Variants in FRMD4B observed in about 807,000 individuals in gnomAD.
FRMD4B encodes the protein FERM domain-containing protein 4B.
In FRMD4B, 74 loss-of-function variants were observed where a neutral mutation model predicts 141.5. The ratio of observed to expected loss-of-function variants is 0.52; its 90% confidence interval spans 0.43 to 0.63. The LOEUF is 0.63. FRMD4B is among the 30% of genes least tolerant of loss of function. The pLI is 0.00. For missense variants in FRMD4B, 1,366 were observed against 1,253.4 expected, an observed-to-expected ratio of 1.09 and a Z score of -1.36; for synonymous variants, 506 against 467.9, an observed-to-expected ratio of 1.08 and a Z score of -1.05.
rs528159287 is a variant in FRMD4B at position 69,421,844 on chromosome 3, A to G, written c.-1+10790T>C. ...ATGTCTAAGATAACTTTCAGCTAGT[A>G]AAACAAAAAATAAAGACAAAATGAA... On this transcript the variant is annotated intron_variant, in intron 2 of 5. Coordinates refer to the FRMD4B transcript ENST00000459638. 5.9e-5 allele frequency among the ~76,000 whole-genome samples: 9 copies of G among 152,340 alleles called. No homozygotes were observed. In the East Asian group the frequency reaches 1.7e-3, roughly 29 times the overall value.
At chr3:69,301,509 T>C (rs1701217900) in intron 4 of FRMD4B, among the ~76,000 whole-genome samples, 1 of 152,006 alleles carries the variant, frequency 6.6e-6, no homozygotes, top group African/African-American at 2.4e-5. Context: ...TGTGTATTTT[T>C]AGTAGAGATG....
intron 2 of FRMD4B, among the ~76,000 whole-genome samples, chr3:69,406,482 C>G (rs1039831000): frequency 1.3e-5 from 2 of 152,192 alleles, no homozygotes; most frequent in African/African-American, 4.8e-5. Context: ...CTTTAAATAG[C>G]CTTGCCACAT....
chr3:69,206,744 A>T (rs76987984), intron 11 of FRMD4B, among the ~76,000 whole-genome samples: 1 of 152,120 alleles, frequency 6.6e-6, no homozygotes, highest in African/African-American at 2.4e-5. Flanking sequence ...CTTTCTTTCC[A>T]GATATATTGG....
chr3:69,372,598 G>A (rs1277520669), intron 1 of FRMD4B, among the ~76,000 whole-genome samples: 1 of 152,210 alleles, frequency 6.6e-6, no homozygotes, highest in Non-Finnish European at 1.5e-5. Context: ...CTGGGAGGTG[G>A]AGGTTGCAGT....
At chr3:69,430,561 G>A (rs1705162709) in intron 2 of FRMD4B, among the ~76,000 whole-genome samples, 1 of 152,126 alleles carries the variant, frequency 6.6e-6, no homozygotes, top group Non-Finnish European at 1.5e-5. Flanking sequence ...CCTCGTATAT[G>A]GCAATTGCTG....
At chr3:69,452,614 A>C (rs976471638) in intron 1 of FRMD4B, among the ~76,000 whole-genome samples, 30 of 152,360 alleles carry the variant, frequency 2.0e-4, no homozygotes, top group African/African-American at 7.0e-4. Context: ...TTGGATCTCT[A>C]ATAGAAAAAG....
intron 4 of FRMD4B, among the ~76,000 whole-genome samples, chr3:69,299,071 T>C (rs1174502742): frequency 3.9e-5 from 6 of 152,148 alleles, no homozygotes; most frequent in African/African-American, 1.2e-4. Context: ...ATGCTGACTA[T>C]GATGGTAGAG....
At chr3:69,365,537 C>A (rs112072260) in intron 1 of FRMD4B, among the ~76,000 whole-genome samples, 32,438 of 150,504 alleles carry the variant, frequency 0.22, 4,429 homozygotes, top group African/African-American at 0.39. Context: ...TGGAGTCTTG[C>A]TCTGTTGCCC....
At chr3:69,477,986 T>A (rs1219618503) in intron 1 of FRMD4B, among the ~76,000 whole-genome samples, 7 of 152,142 alleles carry the variant, frequency 4.6e-5, no homozygotes, top group Non-Finnish European at 1.0e-4. Context: ...TCTAGTTTAT[T>A]TGCGTAGAGG....
chr3:69,439,037 T>G (rs560921691), intron 1 of FRMD4B, among the ~76,000 whole-genome samples: 1 of 139,932 alleles, frequency 7.1e-6, no homozygotes, highest in East Asian at 2.1e-4. Flanking sequence ...TTGGTAGATA[T>G]TTAGTTCGTG....
chr3:69,332,992 A>G (rs373670291), intron 1 of FRMD4B, among the ~76,000 whole-genome samples: 40 of 152,258 alleles, frequency 2.6e-4, no homozygotes, highest in African/African-American at 8.9e-4. Flanking sequence ...TCCTGTATGC[A>G]ATGCTTCATC....
intron 1 of FRMD4B, among the ~76,000 whole-genome samples, chr3:69,440,475 C>T (rs1427962141): frequency 6.6e-6 from 1 of 152,166 alleles, no homozygotes; most frequent in African/African-American, 2.4e-5. Flanking sequence ...AGAGGAACTC[C>T]TAATCTTTTA....
chr3:69,487,803 G>A (rs1706241704), intron 1 of FRMD4B, among the ~76,000 whole-genome samples: 1 of 152,192 alleles, frequency 6.6e-6, no homozygotes, highest in African/African-American at 2.4e-5. Context: ...GATTCACGGA[G>A]AGAGGAAGCA....
intron 2 of FRMD4B, among the ~76,000 whole-genome samples, chr3:69,395,775 T>G (rs1346887829): frequency 6.6e-6 from 1 of 152,188 alleles, no homozygotes; most frequent in Non-Finnish European, 1.5e-5. Flanking sequence ...CCTTGAAACC[T>G]ATGGCTATGT....
chr3:69,243,333 T>C (rs1160788476), intron 7 of FRMD4B, among the ~76,000 whole-genome samples: 8 of 152,136 alleles, frequency 5.3e-5, no homozygotes, highest in Admixed American at 3.3e-4. Context: ...AAAGGTATTC[T>C]AGGAAGAAGA....
chr3:69,471,597 G>T (rs12633677), intron 1 of FRMD4B: 17,042 of 204,558 alleles, frequency 0.083, 984 homozygotes, highest in Admixed American at 0.18. Context: ...CCCATTTAAT[G>T]ATTTTCTCTC....
At chr3:69,530,126 C>A (rs1252489293) in intron 1 of FRMD4B, among the ~76,000 whole-genome samples, 1 of 152,236 alleles carries the variant, frequency 6.6e-6, no homozygotes, top group Non-Finnish European at 1.5e-5. Flanking sequence ...CATTCTTGCC[C>A]TACAAAGACA....
intron 1 of FRMD4B, among the ~76,000 whole-genome samples, chr3:69,483,136 G>C (rs1174128666): frequency 6.6e-6 from 1 of 152,166 alleles, no homozygotes; most frequent in Non-Finnish European, 1.5e-5. Context: ...AATATCAACA[G>C]TGGTGGTACC....
chr3:69,386,062 C>G lies in FRMD4B; in HGVS notation c.-73G>C. 1 of 1,297,736 alleles carries G rather than the reference C, an allele frequency of 7.7e-7. No homozygotes were observed. 80.4% of individuals were successfully genotyped at this position (1,297,736 alleles called of 1,614,324 possible). A position where few individuals can be genotyped will look rare whatever the true frequency, so the allele number is the denominator to read the frequency against. On this transcript the variant is annotated 5_prime_UTR_variant, in exon 1 of 23. Coordinates refer to ENST00000398540, the MANE Select transcript of FRMD4B (RefSeq NM_015123.3). ...AGCCCCGACCCCAGCGGCCTGCCCGCCTGGGCTCCCGACGCCGGCTTCTGC... is the reference window on the plus strand; with the variant it reads ...AGCCCCGACCCCAGCGGCCTGCCCGGCTGGGCTCCCGACGCCGGCTTCTGC...
Sources: allele counts gnomAD v4.1 joint callset (sites outside exome capture counted in the v4.1 genomes callset), GRCh38; gene constraint gnomAD v4.1.1; transcripts MANE v1.5; gene names NCBI Gene and HGNC (gene_info 2026-07-23, HGNC 2026-07-21).